ZNF560: variants seen among roughly 807,000 people sequenced by gnomAD.
ZNF560 encodes the protein zinc finger protein 560.
ZNF560 carries 54 observed loss-of-function variants against 81.8 expected under a neutral mutation model. The observed-to-expected ratio is 0.66, with a 90% confidence interval of 0.53 to 0.83. The LOEUF is 0.83. Ranked by LOEUF, ZNF560 falls within the 40% of genes least tolerant of loss-of-function variation. The pLI, the probability that ZNF560 is intolerant of heterozygous loss-of-function variation, is 0.00. For synonymous variants in ZNF560, 321 were observed against 317.9 expected (o/e 1.01, Z -0.10); for missense variants, 940 against 932.4 (o/e 1.01, Z -0.11).
intron 2 of ZNF560, among the ~76,000 whole-genome samples, chr19:9,496,713 G>A (rs886180433): frequency 1.3e-4 from 20 of 151,488 alleles, no homozygotes; most frequent in African/African-American, 4.6e-4. Flanking sequence ...TGAGGCAGGC[G>A]GATCACGAGG....
rs2073072321 is a variant in ZNF560, at chr19:9,468,645, A to T, written c.613-311T>A. 5.3e-5 allele frequency among the ~76,000 whole-genome samples: 8 copies of T among 151,576 alleles called. No individual in the cohort carries two copies. The South Asian group carries it at 1.7e-3, about 32-fold the overall frequency. On this transcript the variant is annotated intron_variant, in intron 9 of 9. Coordinates refer to ENST00000301480, the MANE Select transcript of ZNF560 (RefSeq NM_152476.3). Reference sequence around the variant, plus strand: ...TACCAAGCTTCACACAAGGTATGGGATCTCTCTCCAGATATTTCTCCCCTT... The same window carrying T: ...TACCAAGCTTCACACAAGGTATGGGTTCTCTCTCCAGATATTTCTCCCCTT...
At chr19:9,503,350 G>A (rs757306146), upstream of ZNF560, among the ~76,000 whole-genome samples, 4 of 151,984 alleles carry the variant, frequency 2.6e-5, no homozygotes, top group Admixed American at 6.6e-5. Context: ...TGTTGTTGTT[G>A]TTTGTGACTA....
At chr19:9,468,496 T>C (rs1043860969) in intron 9 of ZNF560, among the ~76,000 whole-genome samples, 162 bp from the exon 10 acceptor site, 1 of 152,222 alleles carries the variant, frequency 6.6e-6, no homozygotes, top group Non-Finnish European at 1.5e-5. Context: ...GGAACCCTAC[T>C]GTAAGAATCC....
chr19:9,489,650 C>T (rs573262173), intron 2 of ZNF560, among the ~76,000 whole-genome samples: 6 of 151,904 alleles, frequency 3.9e-5, no homozygotes, highest in South Asian at 4.2e-4. Context: ...AGTGCAGTGG[C>T]GTGACCTCGG....
the ZNF560 span, among the ~76,000 whole-genome samples, chr19:9,454,244 A>G: frequency 1.3e-5 from 2 of 152,252 alleles, no homozygotes; most frequent in Non-Finnish European, 2.9e-5. Context: ...TACTGTCAAT[A>G]AATAGTTGGG....
At chr19:9,501,739 T>G (rs2073635168), upstream of ZNF560, among the ~76,000 whole-genome samples, 1 of 151,868 alleles carries the variant, frequency 6.6e-6, no homozygotes, top group Non-Finnish European at 1.5e-5. Context: ...GCTCAAGCAA[T>G]CTGACCACCC....
chr19:9,452,761 TG>T, the ZNF560 span, among the ~76,000 whole-genome samples: 1 of 152,076 alleles, frequency 6.6e-6, no homozygotes, highest in Non-Finnish European at 1.5e-5. Context: ...GGTGGGAGGC[TG>T]GGGGAAGAGG....
chr19:9,451,562 G>T, the ZNF560 span, among the ~76,000 whole-genome samples: 1 of 152,134 alleles, frequency 6.6e-6, no homozygotes, highest in Non-Finnish European at 1.5e-5. Context: ...CCTTAGCAAA[G>T]AATCTGTGAA....
At chr19:9,466,346 A>G (rs1384506946), downstream of ZNF560, among the ~76,000 whole-genome samples, 1 of 146,868 alleles carries the variant, frequency 6.8e-6, no homozygotes, top group African/African-American at 2.7e-5. Context: ...ACTCATCAAA[A>G]AAAAAAAAAG....
chr19:9,446,410 A>ACACAC, the ZNF560 span, among the ~76,000 whole-genome samples: 3 of 149,056 alleles, frequency 2.0e-5, no homozygotes, highest in South Asian at 4.3e-4. Context: ...ACACACACAT[A>ACACAC]AAATATAGGA....
the ZNF560 span, among the ~76,000 whole-genome samples, chr19:9,460,981 A>G: frequency 2.0e-5 from 3 of 152,206 alleles, no homozygotes; most frequent in Non-Finnish European, 4.4e-5. Flanking sequence ...GGTAAAAATG[A>G]TAAGAAGTAC....
chr19:9,486,047 G>T (rs2073379494), intron 2 of ZNF560, among the ~76,000 whole-genome samples: 1 of 152,206 alleles, frequency 6.6e-6, no homozygotes, highest in Non-Finnish European at 1.5e-5. Flanking sequence ...ACCTAGCAAG[G>T]TGTAGCTGGT....
Position 9,467,400 on chromosome 19 carries a change from A to T in ZNF560, c.1547T>A (p.Phe516Tyr). ...TGGTTTCCCACATTTGTAACACTTA[A>T]AGGGCTTCTCACCAGTGTGAGTTCT... ...HLRTHTGEKP[F>Y]KCYKCGKPFT... Residue 516 changes from phenylalanine (F) to tyrosine (Y), a missense_variant, in exon 10 of 10, where the codon TTT becomes TAT. Transcript: ENST00000301480. 6.2e-7 allele frequency: 1 copy of T among 1,613,982 alleles called. No individual in the cohort carries two copies. Among genetic ancestry groups the T allele is most frequent in the East Asian group, 2.2e-5 (1 of 44,828 alleles).
intron 5 of ZNF560, among the ~76,000 whole-genome samples, chr19:9,471,812 A>T (rs1162291058): frequency 6.6e-6 from 1 of 152,244 alleles, no homozygotes; most frequent in Non-Finnish European, 1.5e-5. Flanking sequence ...GGTGCATCTT[A>T]AAAAGTTCCC....
rs2073055280 is a variant in ZNF560, at chr19:9,467,878, A to T, written c.1069T>A (p.Phe357Ile). The change falls in exon 10 of 10, where the codon TTT (phenylalanine) becomes ATT (isoleucine). Residue 357 changes from phenylalanine (F) to isoleucine (I), a missense_variant. By Grantham distance (21) the Phe-to-Ile change is conservative. Transcript: ENST00000301480. ...PYECKECGKD[F>I]RYPTHLNNHM... Reference sequence around the variant, plus strand: ...TTATTAAGGTGGGTAGGGTATCTAAAATCTTTTCCACATTCCTTACATTCA... The same window carrying T: ...TTATTAAGGTGGGTAGGGTATCTAATATCTTTTCCACATTCCTTACATTCA... 1 of 1,614,080 alleles carries T rather than the reference A, an allele frequency of 6.2e-7. No individual in the cohort carries two copies. Among genetic ancestry groups the T allele is most frequent in the Non-Finnish European group, 8.5e-7 (1 of 1,180,038 alleles).
the ZNF560 span, among the ~76,000 whole-genome samples, chr19:9,457,594 A>C: frequency 6.6e-5 from 10 of 152,186 alleles, no homozygotes; most frequent in South Asian, 2.1e-4. Context: ...TGTTACGGTC[A>C]CTTGGAGAAT....
Position 9,467,488 on chromosome 19 carries a change from G to T in ZNF560, c.1459C>A (p.Arg487Ser). Residue 487 changes from arginine to serine, a missense_variant, in exon 10 of 10, where the codon CGC (arginine) becomes AGC (serine). By Grantham distance (110) the Arg-to-Ser change is moderately radical. Coordinates refer to ENST00000301480, the MANE Select transcript of ZNF560 (RefSeq NM_152476.3). ...TTCCCACACTGGTCACAATCAAAGC[G>T]TTTCTGTCCTGTGTTACTTCTTCTA... ...EDRRSNTGQKRFDCDQCGKVF... is the reference protein window; with the variant it reads ...EDRRSNTGQKSFDCDQCGKVF... 1 of 1,614,082 alleles carries T rather than the reference G, an allele frequency of 6.2e-7. No homozygotes were observed. Among genetic ancestry groups the T allele is most frequent in the Non-Finnish European group, 8.5e-7 (1 of 1,180,026 alleles).
upstream of ZNF560, among the ~76,000 whole-genome samples, chr19:9,500,858 A>C (rs1028706348): frequency 1.3e-5 from 2 of 152,150 alleles, no homozygotes; most frequent in African/African-American, 4.8e-5. Context: ...TACAGGTGTG[A>C]GCCACCACGC....
At chr19:9,483,913 G>T (rs1406469535) in intron 2 of ZNF560, among the ~76,000 whole-genome samples, 1 of 152,198 alleles carries the variant, frequency 6.6e-6, no homozygotes, top group Non-Finnish European at 1.5e-5. Context: ...GTAGAAAGAA[G>T]TAGACATAGG....
Sources: gnomAD v4.1 joint callset for allele counts (sites outside exome capture counted in the v4.1 genomes callset) on GRCh38, gnomAD v4.1.1 for gene constraint, MANE v1.5 for transcripts, NCBI Gene and HGNC (gene_info 2026-07-23, HGNC 2026-07-21) for gene names.